Variants in SHISA6 observed in about 807,000 individuals in gnomAD.
SHISA6 encodes protein shisa-6.
Under a neutral mutation model 47.9 loss-of-function variants are expected in SHISA6, and 22 were observed. The ratio of observed to expected loss-of-function variants is 0.46; its 90% CI spans 0.33 to 0.66. The LOEUF is 0.66. Among genes scored for constraint, SHISA6 ranks in the 30% least tolerant of loss-of-function variants. SHISA6 has a pLI of 0.02. For synonymous variants in SHISA6, 388 were observed against 337.8 expected, an observed-to-expected ratio of 1.15 and a Z score of -1.63; for missense variants, 680 against 764.6, an observed-to-expected ratio of 0.89 and a Z score of 1.30.
At chr17:11,251,181 A>G (rs1365618207) in intron 1 of SHISA6, among the ~76,000 whole-genome samples, 1 of 152,108 alleles carries the variant, frequency 6.6e-6, no homozygotes, top group African/African-American at 2.4e-5. Context: ...TTAAGAAAGC[A>G]AAGACCTACC....
intron 2 of SHISA6, among the ~76,000 whole-genome samples, chr17:11,373,057 T>G (rs1289347699): frequency 6.6e-6 from 1 of 151,926 alleles, no homozygotes; most frequent in Non-Finnish European, 1.5e-5. Flanking sequence ...CTTAAAAATG[T>G]GTAATCTAGT....
At chr17:11,357,187 CA>C (rs60564976) in intron 2 of SHISA6, among the ~76,000 whole-genome samples, 4 of 90,132 alleles carry the variant, frequency 4.4e-5, no homozygotes, top group Non-Finnish European at 8.0e-5. Flanking sequence ...GACTCCGTCT[CA>C]AAAAAAAAAA....
At chr17:11,259,743 A>G (rs1908154450) in intron 1 of SHISA6, among the ~76,000 whole-genome samples, 1 of 152,228 alleles carries the variant, frequency 6.6e-6, no homozygotes, top group Admixed American at 6.5e-5. Flanking sequence ...TTGTTTCTCC[A>G]TGCCCAAATA....
At chr17:11,552,027 A>G in intron 4 of SHISA6, 75 bp downstream of exon 4, 1 of 1,440,134 alleles carries the variant, frequency 6.9e-7, no homozygotes, top group Non-Finnish European at 9.5e-7. Context: ...GATGCCTATC[A>G]GGGCATCAAA....
intron 2 of SHISA6, among the ~76,000 whole-genome samples, chr17:11,300,706 T>C (rs1909896442): frequency 6.6e-6 from 1 of 151,526 alleles, no homozygotes; most frequent in Non-Finnish European, 1.5e-5. Context: ...ACTGTGGGTT[T>C]AAATATTACC....
At chr17:11,547,794 C>T (rs2071895600) in intron 3 of SHISA6, among the ~76,000 whole-genome samples, 1 of 152,098 alleles carries the variant, frequency 6.6e-6, no homozygotes, top group African/African-American at 2.4e-5. Flanking sequence ...GAATAAATTA[C>T]TAATCCAGAA....
chr17:11,448,264 C>T (rs1478401224), intron 3 of SHISA6, among the ~76,000 whole-genome samples: 2 of 152,052 alleles, frequency 1.3e-5, no homozygotes, highest in Admixed American at 1.3e-4. Context: ...GGTGTGGTGG[C>T]TCAAGTCTGT....
In SHISA6 at chr17:11,336,534, T is replaced by G. The variant is rs1227103992; in HGVS notation, c.800-42880T>G. Among the ~76,000 whole-genome samples, 3 of 152,152 alleles carry G rather than the reference T, an allele frequency of 2.0e-5. No homozygotes were observed. In the East Asian group the frequency reaches 5.8e-4, roughly 29 times the overall value. On this transcript the variant is annotated intron_variant, in intron 2 of 5. Coordinates refer to ENST00000441885, the MANE Select transcript of SHISA6 (RefSeq NM_207386.4). ...CAGCTCCTCACCTGCCGCCCCTGGC[T>G]GTCCACACTCACTCTGACCCTGTGA... is the stretch of plus-strand genomic sequence containing the variant.
At chr17:11,525,075 A>C (rs1395300180) in intron 3 of SHISA6, among the ~76,000 whole-genome samples, 1 of 152,166 alleles carries the variant, frequency 6.6e-6, no homozygotes, top group Admixed American at 6.5e-5. Flanking sequence ...TCAGAAAGGA[A>C]TTCAAAGAGC....
chr17:11,444,183 G>A (rs1251864181), intron 3 of SHISA6, among the ~76,000 whole-genome samples: 2 of 152,156 alleles, frequency 1.3e-5, no homozygotes, highest in African/African-American at 4.8e-5. Context: ...GCTAGGCGTG[G>A]TGGCACACGC....
chr17:11,311,438 T>A (rs1910339324), intron 2 of SHISA6, among the ~76,000 whole-genome samples: 1 of 152,166 alleles, frequency 6.6e-6, no homozygotes, highest in Non-Finnish European at 1.5e-5. Context: ...GTCATGGCTA[T>A]ACTAGTAAAA....
intron 3 of SHISA6, among the ~76,000 whole-genome samples, chr17:11,519,200 A>G (rs2071608978): frequency 6.6e-6 from 1 of 152,160 alleles, no homozygotes; most frequent in African/African-American, 2.4e-5. Context: ...CCTTGACTAC[A>G]CAAACACTAT....
intron 1 of SHISA6, among the ~76,000 whole-genome samples, chr17:11,260,471 G>A (rs771357983): frequency 9.9e-5 from 15 of 152,038 alleles, no homozygotes; most frequent in South Asian, 2.1e-4. Context: ...TCACTTGGCC[G>A]TCTCTGTGTC....
At chr17:11,344,138 G>A (rs1911621548) in intron 2 of SHISA6, among the ~76,000 whole-genome samples, 1 of 152,092 alleles carries the variant, frequency 6.6e-6, no homozygotes, top group African/African-American at 2.4e-5. Flanking sequence ...TTGGAGAAAC[G>A]TCTATTTAAA....
At chr17:11,312,891 A>T (rs1910384834) in intron 2 of SHISA6, among the ~76,000 whole-genome samples, 1 of 152,192 alleles carries the variant, frequency 6.6e-6, no homozygotes, top group African/African-American at 2.4e-5. Context: ...ATGCTAGATC[A>T]AAATTACTCC....
chr17:11,542,502 C>A (rs192975663), intron 3 of SHISA6, among the ~76,000 whole-genome samples: 1 of 152,018 alleles, frequency 6.6e-6, no homozygotes, highest in Admixed American at 6.5e-5. Flanking sequence ...TGAAAGGAAA[C>A]AGACATTAGG....
At chr17:11,319,236 G>A (rs939230359) in intron 2 of SHISA6, among the ~76,000 whole-genome samples, 6 of 151,940 alleles carry the variant, frequency 3.9e-5, no homozygotes, top group East Asian at 1.9e-4. Flanking sequence ...GTGCCACCAC[G>A]CCTGGCTAAT....
chr17:11,370,486 A>G (rs1343556079), intron 2 of SHISA6, among the ~76,000 whole-genome samples: 1 of 152,198 alleles, frequency 6.6e-6, no homozygotes, highest in Non-Finnish European at 1.5e-5. Flanking sequence ...AATCCAAACC[A>G]ACAAAATGAT....
chr17:11,267,130 A>G (rs1908454092), intron 2 of SHISA6, among the ~76,000 whole-genome samples: 1 of 152,192 alleles, frequency 6.6e-6, no homozygotes, highest in Non-Finnish European at 1.5e-5. Context: ...CTTTTACCCC[A>G]ACTCTTCCAG....
Sources: gnomAD v4.1 joint callset for allele counts (sites outside exome capture counted in the v4.1 genomes callset) on GRCh38, gnomAD v4.1.1 for gene constraint, MANE v1.5 for transcripts, NCBI Gene and HGNC (gene_info 2026-07-23, HGNC 2026-07-21) for gene names.